Variants in CMSS1 observed in about 807,000 individuals in gnomAD.
CMSS1 encodes protein CMSS1.
Under a neutral mutation model 43.5 loss-of-function variants are expected in CMSS1, and 33 were observed. That is an observed-to-expected ratio of 0.76 (90% CI 0.57 to 1.01). The LOEUF is 1.01. CMSS1 is among the 50% of genes least tolerant of loss of function. The pLI, the probability that CMSS1 is intolerant of heterozygous loss-of-function variation, is 0.00. For synonymous variants in CMSS1, 115 were observed against 117.2 expected, an observed-to-expected ratio of 0.98 and a Z score of 0.12; for missense variants, 313 against 326.4, an observed-to-expected ratio of 0.96 and a Z score of 0.32.
rs114579316 is a variant in CMSS1 at position 99,834,132 on chromosome 3, G to C, written c.64+16089G>C. On this transcript the variant is annotated intron_variant, in intron 1 of 9. Coordinates refer to ENST00000421999, the MANE Select transcript of CMSS1 (RefSeq NM_032359.4). ...CCCAAAATTTCATAATGATGCTTTG[G>C]CTTTTTTCTCTTGATTTTTCTCAGA... Among the ~76,000 whole-genome samples the C allele has an allele frequency of 6.0e-3, 918 of 152,254 alleles. 9 individuals are homozygous for C. Among genetic ancestry groups the C allele is most frequent in the Middle Eastern group, 0.027 (8 of 294 alleles).
intron 1 of CMSS1, among the ~76,000 whole-genome samples, chr3:100,077,046 G>A (rs888984560): frequency 3.9e-5 from 6 of 152,186 alleles, no homozygotes; most frequent in Non-Finnish European, 7.3e-5. Flanking sequence ...GCCAGGGTAC[G>A]CTTACATAAG....
intron 1 of CMSS1, among the ~76,000 whole-genome samples, chr3:100,094,777 G>A (rs544767860): frequency 1.4e-4 from 20 of 147,168 alleles, no homozygotes; most frequent in African/African-American, 2.8e-4. Flanking sequence ...TCTGCCTCCC[G>A]GGTTCATGCC....
intron 1 of CMSS1, among the ~76,000 whole-genome samples, chr3:100,071,607 C>T (rs1218602883): frequency 1.3e-5 from 2 of 152,150 alleles, no homozygotes; most frequent in African/African-American, 2.4e-5. Context: ...TTGATGTCCT[C>T]GGGCCAGTGT....
intron 4 of CMSS1, among the ~76,000 whole-genome samples, chr3:100,164,780 G>A (rs1289977562): frequency 6.6e-6 from 1 of 152,128 alleles, no homozygotes; most frequent in East Asian, 1.9e-4. Flanking sequence ...ACACATATAA[G>A]GTAGATATAA....
At chr3:99,844,205 C>T (rs1943261912) in intron 1 of CMSS1, among the ~76,000 whole-genome samples, 1 of 152,164 alleles carries the variant, frequency 6.6e-6, no homozygotes, top group African/African-American at 2.4e-5. Context: ...CGTTTTAGGG[C>T]ACAATTAACC....
intron 1 of CMSS1, among the ~76,000 whole-genome samples, chr3:100,053,823 G>A (rs2065415945): frequency 1.3e-5 from 2 of 152,158 alleles, no homozygotes; most frequent in South Asian, 4.1e-4. Flanking sequence ...CACAACACAT[G>A]CTGAGTCTGT....
chr3:100,049,262 A>G (rs1264173081), intron 1 of CMSS1, among the ~76,000 whole-genome samples: 2 of 152,220 alleles, frequency 1.3e-5, no homozygotes, highest in Non-Finnish European at 2.9e-5. Flanking sequence ...TTCATTTATC[A>G]TCTGTTTTTG....
At position 99,916,459 on chromosome 3, in the gene CMSS1, CACACACACA is replaced by C. The variant is rs1409444395; in HGVS notation, c.64+98417_64+98425del. Among the ~76,000 whole-genome samples, 11 of 151,448 alleles carry C rather than the reference CACACACACA, an allele frequency of 7.3e-5. No individual in the cohort carries two copies. The East Asian group carries it at 2.1e-3, about 29-fold the overall frequency. On this transcript the variant is annotated intron_variant, in intron 1 of 9. Transcript: ENST00000421999. ...TTATACACACACACACACACACACA[CACACACACA>C]CACACACACACACACACGTTCTGTT...
chr3:100,037,019 A>G (rs2065119159), intron 1 of CMSS1, among the ~76,000 whole-genome samples: 1 of 152,238 alleles, frequency 6.6e-6, no homozygotes, highest in Non-Finnish European at 1.5e-5. Flanking sequence ...ATTTCAGATT[A>G]AAAGAAACCA....
intron 1 of CMSS1, among the ~76,000 whole-genome samples, chr3:99,971,044 A>C (rs972885921): frequency 3.9e-5 from 6 of 152,210 alleles, no homozygotes; most frequent in Non-Finnish European, 8.8e-5. Flanking sequence ...GTGTCTCTTA[A>C]GAGAATATGG....
intron 1 of CMSS1, among the ~76,000 whole-genome samples, chr3:99,881,097 A>C (rs1705711185): frequency 6.6e-6 from 1 of 152,164 alleles, no homozygotes; most frequent in South Asian, 2.1e-4. Flanking sequence ...TCTATTTAAT[A>C]AGGAATCATC....
At chr3:99,927,109 AC>A (rs1022339520) in intron 1 of CMSS1, among the ~76,000 whole-genome samples, 33 of 152,334 alleles carry the variant, frequency 2.2e-4, no homozygotes, top group African/African-American at 7.5e-4. Flanking sequence ...GGCAGTTCTT[AC>A]AATTCACCAT....
Position 99,910,633 on chromosome 3 carries a change from C to G in CMSS1, c.64+92590C>G, listed in dbSNP as rs1706758694. ...CCTTAGGCTGAAAAAAAGTAATACG[C>G]TATAATTCTAACTATTATCTCCATA... is the stretch of plus-strand genomic sequence containing the variant. On this transcript the variant is annotated intron_variant, in intron 1 of 9. Coordinates refer to ENST00000421999, the MANE Select transcript of CMSS1 (RefSeq NM_032359.4). Among the ~76,000 whole-genome samples the G allele has an allele frequency of 1.5e-5, 2 of 136,234 alleles. 1 individual carries two copies. The highest frequency in any genetic ancestry group is 5.0e-4 in the South Asian group (2 of 3,976). The allele number at this position is 136,234 out of a possible 152,430, so 89.4% of individuals were successfully genotyped here.
intron 1 of CMSS1, among the ~76,000 whole-genome samples, chr3:99,855,283 C>A (rs1483819109): frequency 6.6e-6 from 1 of 152,108 alleles, no homozygotes; most frequent in Non-Finnish European, 1.5e-5. Flanking sequence ...AAAATGCATA[C>A]CATAGTTGGT....
chr3:99,921,476 G>A (rs7646221), intron 1 of CMSS1, among the ~76,000 whole-genome samples: 1,713 of 152,312 alleles, frequency 0.011, 18 homozygotes, highest in African/African-American at 0.025. Flanking sequence ...TACTGGAATT[G>A]TGATGTTCAG....
rs192177408 is a variant in CMSS1, at chr3:100,154,009, C to T, written c.154-6421C>T. Among the ~76,000 whole-genome samples, 6 of 152,168 alleles carry T rather than the reference C, an allele frequency of 3.9e-5. No homozygotes were observed. In the East Asian group the frequency reaches 1.2e-3, roughly 29 times the overall value. Reference sequence around the variant, plus strand: ...GGGATTACAGGCATCTGCCATCATGCCTGGCCAATTTTTGTATTTTTGTAG... The same window carrying T: ...GGGATTACAGGCATCTGCCATCATGTCTGGCCAATTTTTGTATTTTTGTAG... On this transcript the variant is annotated intron_variant, in intron 2 of 9. Transcript: ENST00000421999.
intron 1 of CMSS1, among the ~76,000 whole-genome samples, chr3:100,020,760 CTTTTTTTTTTT>C (rs34665880): frequency 1.4e-5 from 1 of 70,994 alleles, no homozygotes; most frequent in Non-Finnish European, 2.4e-5. Context: ...GAATAATTAG[CTTTTTTTTTTT>C]TTTTTTTTTT....
intron 1 of CMSS1, among the ~76,000 whole-genome samples, chr3:99,944,868 CAT>C (rs1157528623): frequency 4.6e-5 from 7 of 152,116 alleles, no homozygotes; most frequent in Admixed American, 3.9e-4. Flanking sequence ...GAGAAAAAAA[CAT>C]AGATCACCAG....
intron 5 of CMSS1, 119 bp from the exon 6 acceptor site, chr3:100,167,619 G>A (rs920780428): frequency 7.8e-6 from 4 of 515,070 alleles, no homozygotes; most frequent in Non-Finnish European, 1.4e-5. Flanking sequence ...TAATTATAAT[G>A]AACCATGCTT....
Sources: gnomAD v4.1 joint callset for allele counts (sites outside exome capture counted in the v4.1 genomes callset) on GRCh38, gnomAD v4.1.1 for gene constraint, MANE v1.5 for transcripts, NCBI Gene and HGNC (gene_info 2026-07-23, HGNC 2026-07-21) for gene names.